Variants in GATAD2A observed in about 807,000 individuals in gnomAD.
The protein encoded by GATAD2A is GATA zinc finger domain containing 2A, also known as transcriptional repressor p66-alpha.
A neutral mutation model predicts 68.5 loss-of-function variants in GATAD2A; 12 were observed. The observed-to-expected ratio is 0.18, with a 90% CI of 0.11 to 0.28. GATAD2A has a LOEUF of 0.28. Ranked by LOEUF, GATAD2A falls within the 10% of genes least tolerant of loss-of-function variation. GATAD2A has a pLI of 1.00. For synonymous variants in GATAD2A, 410 were observed against 375.3 expected (o/e 1.09, Z -1.07); for missense variants, 755 against 868.5 (o/e 0.87, Z 1.64).
rs1352968862 is a variant in GATAD2A at position 19,415,887 on chromosome 19, A to G, written c.-7+9868A>G. ...CACCTTGGCCTCCCCCAAAGTTGGAATTGCAGGCATGAGCCACCACGCCCG... is the reference window on the plus strand; with the variant it reads ...CACCTTGGCCTCCCCCAAAGTTGGAGTTGCAGGCATGAGCCACCACGCCCG... On this transcript the variant is annotated intron_variant, in intron 1 of 11. Transcript: ENST00000683918. 7.2e-5 allele frequency among the ~76,000 whole-genome samples: 11 copies of G among 152,092 alleles called. 1 individual carries two copies. The highest frequency in any genetic ancestry group is 1.6e-4 in the Non-Finnish European group (11 of 67,974).
At chr19:19,386,423 G>T (rs1300524898) in intron 1 of GATAD2A, among the ~76,000 whole-genome samples, 3 of 148,162 alleles carry the variant, frequency 2.0e-5, no homozygotes, top group Admixed American at 6.7e-5. Flanking sequence ...AGGGGACCCC[G>T]TCTCTCTTGG....
At chr19:19,417,088 G>A (rs761357190) in intron 1 of GATAD2A, among the ~76,000 whole-genome samples, 4 of 152,162 alleles carry the variant, frequency 2.6e-5, no homozygotes, top group Admixed American at 2.0e-4. Context: ...AAGTTAATCC[G>A]TTGACATTTT....
chr19:19,419,179 T>C (rs1247788735), intron 1 of GATAD2A, among the ~76,000 whole-genome samples: 1 of 152,210 alleles, frequency 6.6e-6, no homozygotes. Context: ...ACACACTCCC[T>C]GTCGAGGGAC....
rs1486443984 is a variant in GATAD2A, at chr19:19,492,407, C to T, written c.371C>T (p.Ala124Val). The T allele has an allele frequency of 8.1e-6, 13 of 1,613,746 alleles. No individual in the cohort carries two copies. Among genetic ancestry groups the T allele is most frequent in the Admixed American group, 6.7e-5 (4 of 59,958 alleles). The change falls in exon 3 of 12, where the codon GCC becomes GTC. Residue 124 changes from alanine to valine, a missense_variant. Physicochemically the swap from Ala to Val is moderately conservative, Grantham distance 64. Transcript: ENST00000683918. ...AGAGTGAATGGGCTGACCACGGTGG[C>T]CTTGAAGGAGACTAGCACCGAGGCC... ...SPRVNGLTTV[A>V]LKETSTEALM...
rs1048051252 is a variant in GATAD2A at position 19,448,580 on chromosome 19, C to A, written c.-6-16760C>A. On this transcript the variant is annotated intron_variant, in intron 1 of 11. Coordinates refer to ENST00000683918, the MANE Select transcript of GATAD2A (RefSeq NM_001384528.1). ...CTCGGCCCACTGCAACCTCCGCCTG[C>A]CGGGTTCAAGCAATTCTCCTGCCTC... Among the ~76,000 whole-genome samples the A allele has an allele frequency of 3.3e-5, 5 of 152,146 alleles. No homozygotes were observed. The South Asian group carries it at 1.0e-3, about 32-fold the overall frequency.
intron 7 of GATAD2A, among the ~76,000 whole-genome samples, chr19:19,497,650 A>G (rs1216018840): frequency 6.6e-6 from 1 of 151,870 alleles, no homozygotes; most frequent in Non-Finnish European, 1.5e-5. Context: ...CATCCTGCAC[A>G]CCCTGTGCCC....
intron 3 of GATAD2A, 25 bp downstream of exon 3, chr19:19,492,463 C>T: frequency 8.1e-6 from 13 of 1,613,804 alleles, no homozygotes; most frequent in African/African-American, 1.3e-5. Flanking sequence ...GGCGCTGCCG[C>T]CGGAGCCCCA....
chr19:19,466,541 C>A (rs939528171), intron 2 of GATAD2A, among the ~76,000 whole-genome samples: 12 of 152,338 alleles, frequency 7.9e-5, no homozygotes, highest in African/African-American at 2.6e-4. Flanking sequence ...GTCAGCTAAC[C>A]CCACAGGATG....
At chr19:19,468,818 G>C (rs759345849) in intron 2 of GATAD2A, among the ~76,000 whole-genome samples, 1 of 152,148 alleles carries the variant, frequency 6.6e-6, no homozygotes, top group Non-Finnish European at 1.5e-5. Context: ...TAAATGACAC[G>C]TTGGCAGCTT....
rs566026308 is a variant in GATAD2A, at chr19:19,498,040, AC to A, written c.925-400del. 1.0e-3 allele frequency among the ~76,000 whole-genome samples: 153 copies of A among 152,336 alleles called. 1 individual carries two copies. Among genetic ancestry groups the A allele is most frequent in the South Asian group, 6.0e-3 (29 of 4,828 alleles). Reference sequence around the variant, plus strand: ...GGGGTGCTGCGGTGAGCACCCTCTTACCCTGTGAGAAGGCAGTAGGCCAGGC... The same window carrying A: ...GGGGTGCTGCGGTGAGCACCCTCTTACCTGTGAGAAGGCAGTAGGCCAGGC... On this transcript the variant is annotated intron_variant, in intron 7 of 11. Coordinates refer to ENST00000683918, the MANE Select transcript of GATAD2A (RefSeq NM_001384528.1).
intron 1 of GATAD2A, among the ~76,000 whole-genome samples, chr19:19,391,296 T>G (rs913918202): frequency 2.0e-5 from 3 of 152,194 alleles, no homozygotes; most frequent in African/African-American, 2.4e-5. Flanking sequence ...TTTTTTTGTT[T>G]GTTTTCTTCC....
chr19:19,486,117 C>T (rs145359331), intron 2 of GATAD2A, among the ~76,000 whole-genome samples: 1 of 152,304 alleles, frequency 6.6e-6, no homozygotes, highest in African/African-American at 2.4e-5. Context: ...CCCAGCAGAC[C>T]CAGTCTGCCC....
At position 19,486,946 on chromosome 19, in the gene GATAD2A, G is replaced by A. The variant is rs141587195; in HGVS notation, c.270-5360G>A. Among the ~76,000 whole-genome samples, 521 of 152,326 alleles carry A rather than the reference G, an allele frequency of 3.4e-3. 1 individual carries two copies. The highest frequency in any genetic ancestry group is 0.014 in the Middle Eastern group (4 of 294). Reference sequence around the variant, plus strand: ...GTGTCTTCTAGCTCACTGGGTGAGGGCTCTCTCCACAGCCTGACTTGCCGG... The same window carrying A: ...GTGTCTTCTAGCTCACTGGGTGAGGACTCTCTCCACAGCCTGACTTGCCGG... On this transcript the variant is annotated intron_variant, in intron 2 of 11. Coordinates refer to ENST00000683918, the MANE Select transcript of GATAD2A (RefSeq NM_001384528.1).
chr19:19,398,925 G>T (rs958544422), intron 1 of GATAD2A, among the ~76,000 whole-genome samples: 2 of 152,120 alleles, frequency 1.3e-5, no homozygotes, highest in African/African-American at 4.8e-5. Context: ...TGGGCACAGT[G>T]GCGGGCGCCT....
intron 1 of GATAD2A, among the ~76,000 whole-genome samples, chr19:19,439,669 G>T (rs1244715100): frequency 6.6e-6 from 1 of 152,114 alleles, no homozygotes; most frequent in East Asian, 1.9e-4. Context: ...CCAACATGGT[G>T]AAACCCCATC....
rs140585298 is a variant in GATAD2A at position 19,508,164 on chromosome 19, C to T, written c.*2690C>T. 4 of 152,364 alleles carry T rather than the reference C, an allele frequency of 2.6e-5. No homozygotes were observed. In the East Asian group the frequency reaches 7.7e-4, roughly 29 times the overall value. 9.4% of individuals were successfully genotyped at this position (152,364 alleles called of 1,614,324 possible). A position where few individuals can be genotyped will look rare whatever the true frequency, so the allele number is the denominator to read the frequency against. On this transcript the variant is annotated 3_prime_UTR_variant, in exon 12 of 12. Transcript: ENST00000683918. ...CTGTGACATGAACCTCCAACAGCAC[C>T]TGGAAACGGTTCCCTCTGTCAGCTG...
At chr19:19,480,941 T>C (rs1448718077) in intron 2 of GATAD2A, among the ~76,000 whole-genome samples, 2 of 152,144 alleles carry the variant, frequency 1.3e-5, no homozygotes, top group African/African-American at 4.8e-5. Flanking sequence ...ATTGAGAAAG[T>C]TTGTGGTCGT....
intron 6 of GATAD2A, 68 bp downstream of exon 6, chr19:19,495,953 C>A (rs2060122232): frequency 1.3e-6 from 2 of 1,583,754 alleles, no homozygotes; most frequent in Admixed American, 1.7e-5. Context: ...AAAGTAGGGC[C>A]CTTCCCAGTC....
intron 1 of GATAD2A, chr19:19,457,121 T>C: frequency 2.0e-5 from 20 of 985,442 alleles, no homozygotes; most frequent in Non-Finnish European, 2.4e-5. Context: ...TGCCCACGCA[T>C]CCAGTATGTG....
Sources: gnomAD v4.1 joint callset for allele counts (sites outside exome capture counted in the v4.1 genomes callset) on GRCh38, gnomAD v4.1.1 for gene constraint, MANE v1.5 for transcripts, NCBI Gene and HGNC (gene_info 2026-07-23, HGNC 2026-07-21) for gene names.